The following SOAT1 variants were observed in gnomAD, a reference collection of about 807,000 sequenced individuals.
SOAT1 encodes acyl-coenzyme A:cholesterol acyltransferase 1.
A neutral mutation model predicts 69.5 loss-of-function variants in SOAT1; 55 were observed. That is an observed-to-expected ratio of 0.79 (90% confidence interval 0.64 to 0.99). The LOEUF is 0.99. Among genes scored for constraint, SOAT1 ranks in the 50% least tolerant of loss-of-function variants. The pLI is 0.00. For synonymous variants in SOAT1, 231 were observed against 224.7 expected (o/e 1.03, Z -0.25); for missense variants, 580 against 669.3 (o/e 0.87, Z 1.47).
At chr1:179,305,535 T>G (rs1381540598) in intron 2 of SOAT1, among the ~76,000 whole-genome samples, 1 of 152,220 alleles carries the variant, frequency 6.6e-6, no homozygotes, top group East Asian at 1.9e-4. Flanking sequence ...TGAATGATGC[T>G]GCTATGAACA....
intron 2 of SOAT1, among the ~76,000 whole-genome samples, chr1:179,311,528 G>A (rs766173058): frequency 3.3e-5 from 5 of 151,976 alleles, no homozygotes; most frequent in African/African-American, 4.8e-5. Context: ...ATATTAGAAG[G>A]AAAAGTACAG....
At chr1:179,303,816 A>G (rs1291633933) in intron 2 of SOAT1, among the ~76,000 whole-genome samples, 1 of 152,222 alleles carries the variant, frequency 6.6e-6, no homozygotes, top group Non-Finnish European at 1.5e-5. Context: ...TCCGTGATTT[A>G]GGGACTTAGT....
chr1:179,333,858 G>A lies in SOAT1; in HGVS notation c.178-1648G>A, dbSNP rs144054589. 4.9e-3 allele frequency among the ~76,000 whole-genome samples: 749 copies of A among 151,970 alleles called. 9 individuals are homozygous for A. The highest frequency in any genetic ancestry group is 6.8e-3 in the Middle Eastern group (2 of 294). The stretch of plus-strand genomic sequence containing the variant: ...CAAAAAAAAAAAAAAAAGTTTCAAG[G>A]AAGAACTCATTTTTTGTCAAGTGGT... On this transcript the variant is annotated intron_variant, in intron 3 of 15. Coordinates refer to ENST00000367619, the MANE Select transcript of SOAT1 (RefSeq NM_003101.6).
chr1:179,347,731 A>G, intron 12 of SOAT1, 34 bp downstream of exon 12: 1 of 1,248,292 alleles, frequency 8.0e-7, no homozygotes, highest in Non-Finnish European at 1.1e-6. Flanking sequence ...TTCTTTTTAC[A>G]TTTTATTAAC....
chr1:179,330,405 G>A (rs775841662), intron 3 of SOAT1, among the ~76,000 whole-genome samples: 10 of 152,130 alleles, frequency 6.6e-5, no homozygotes, highest in Non-Finnish European at 7.3e-5. Context: ...GGAGCGGTTG[G>A]GGAAGTCACA....
chr1:179,330,738 C>T (rs1221205060), intron 3 of SOAT1, among the ~76,000 whole-genome samples: 1 of 152,226 alleles, frequency 6.6e-6, no homozygotes, highest in Non-Finnish European at 1.5e-5. Flanking sequence ...GGCAGTTTCA[C>T]ATTCATAGGC....
At chr1:179,325,288 T>C (rs1665747884) in intron 3 of SOAT1, among the ~76,000 whole-genome samples, 2 of 151,258 alleles carry the variant, frequency 1.3e-5, no homozygotes, top group Non-Finnish European at 2.9e-5. Flanking sequence ...TATTTGGGAG[T>C]ACAGGTGCCC....
rs571852239 is a variant in SOAT1, at chr1:179,315,139, A to G, written c.119-8298A>G. On this transcript the variant is annotated intron_variant, in intron 2 of 15. Coordinates refer to ENST00000367619, the MANE Select transcript of SOAT1 (RefSeq NM_003101.6). ...GAAGCCTTGAGTTGAGTGCTTGTAA[A>G]TAGTTCTTCAAATCATTGGATGTGG... Among the ~76,000 whole-genome samples, 138 of 152,270 alleles carry G rather than the reference A, an allele frequency of 9.1e-4. 1 individual carries two copies. Among genetic ancestry groups the G allele is most frequent in the Middle Eastern group, 6.8e-3 (2 of 294 alleles).
At chr1:179,332,147 G>A (rs1665995638) in intron 3 of SOAT1, among the ~76,000 whole-genome samples, 1 of 151,806 alleles carries the variant, frequency 6.6e-6, no homozygotes, top group Admixed American at 6.6e-5. Context: ...TTTTTTCATT[G>A]TAATACTCAG....
In SOAT1 at chr1:179,351,046, T is replaced by C. The variant is rs868795107; in HGVS notation, c.1451-271T>C. 3.4e-3 allele frequency among the ~76,000 whole-genome samples: 452 copies of C among 134,704 alleles called. 14 individuals carry two copies. The highest frequency in any genetic ancestry group is 9.8e-3 in the African/African-American group (373 of 37,906). 88.4% of individuals were successfully genotyped at this position (134,704 alleles called of 152,430 possible). On this transcript the variant is annotated intron_variant, in intron 14 of 15. Coordinates refer to ENST00000367619, the MANE Select transcript of SOAT1 (RefSeq NM_003101.6). ...CTTTTTTTTTTTTTTTTTTTTTTTT[T>C]TTTTTTTTTTTTTTGAGACAGAGTT...
At chr1:179,343,669 T>C (rs1666421104) in intron 10 of SOAT1, 34 bp downstream of exon 10, 2 of 1,466,146 alleles carry the variant, frequency 1.4e-6, no homozygotes, top group Non-Finnish European at 1.9e-6. Flanking sequence ...GTATGTTGAT[T>C]AGGGGATGGG....
chr1:179,351,021 CTTTTTTTTTTTTTTTTTTTTTTT>C lies in SOAT1; in HGVS notation c.1451-279_1451-257del, dbSNP rs201449849. 5.5e-5 allele frequency among the ~76,000 whole-genome samples: 7 copies of C among 127,596 alleles called. No individual in the cohort carries two copies. The East Asian group carries it at 8.5e-4, about 16-fold the overall frequency. The allele number at this position is 127,596 out of a possible 152,430, so 83.7% of individuals were successfully genotyped here. ...TGTTTTGATACCTGTATATTTCTTT[CTTTTTTTTTTTTTTTTTTTTTTT>C]TTTTTTTTTTTTTTTTGAGACAGAG... On this transcript the variant is annotated intron_variant, in intron 14 of 15. Coordinates refer to ENST00000367619, the MANE Select transcript of SOAT1 (RefSeq NM_003101.6).
At chr1:179,346,489 G>C (rs1022278735) in intron 11 of SOAT1, among the ~76,000 whole-genome samples, 12 of 152,172 alleles carry the variant, frequency 7.9e-5, no homozygotes, top group African/African-American at 2.9e-4. Context: ...GCCTGGCAGA[G>C]AATTGGTGGA....
chr1:179,296,668 T>C (rs1039051645), intron 1 of SOAT1, among the ~76,000 whole-genome samples: 11 of 152,350 alleles, frequency 7.2e-5, no homozygotes, highest in African/African-American at 2.6e-4. Flanking sequence ...TTTTTTTTGC[T>C]CTGGATTGTA....
intron 2 of SOAT1, among the ~76,000 whole-genome samples, chr1:179,313,685 A>G (rs1333617921): frequency 6.6e-6 from 1 of 152,058 alleles, no homozygotes; most frequent in East Asian, 1.9e-4. Context: ...CCCAGGTCCA[A>G]GCGATTCTCT....
chr1:179,316,042 T>G (rs1665380395), intron 2 of SOAT1, among the ~76,000 whole-genome samples: 1 of 152,240 alleles, frequency 6.6e-6, no homozygotes, highest in Non-Finnish European at 1.5e-5. Flanking sequence ...ATTAATCCTC[T>G]GCTCTCCATT....
chr1:179,309,492 A>G (rs1423668951), intron 2 of SOAT1, among the ~76,000 whole-genome samples: 1 of 152,204 alleles, frequency 6.6e-6, no homozygotes, highest in Non-Finnish European at 1.5e-5. Context: ...ATTCCTAACT[A>G]TACTGTTTCA....
intron 3 of SOAT1, among the ~76,000 whole-genome samples, chr1:179,331,004 G>A (rs1340420674): frequency 6.6e-6 from 1 of 152,170 alleles, no homozygotes; most frequent in African/African-American, 2.4e-5. Flanking sequence ...AAGAAAGGGG[G>A]TAGGCACTGA....
At chr1:179,298,755 A>C (rs1324003524) in intron 1 of SOAT1, among the ~76,000 whole-genome samples, 1 of 152,200 alleles carries the variant, frequency 6.6e-6, no homozygotes, top group South Asian at 2.1e-4. Context: ...TCATTATCTC[A>C]TGTAATTTAT....
Sources: gnomAD v4.1 joint callset for allele counts (sites outside exome capture counted in the v4.1 genomes callset) on GRCh38, gnomAD v4.1.1 for gene constraint, MANE v1.5 for transcripts, NCBI Gene and HGNC (gene_info 2026-07-23, HGNC 2026-07-21) for gene names.